The following PTPRM variants were observed in gnomAD, a reference collection of about 807,000 sequenced individuals.
PTPRM encodes protein tyrosine phosphatase receptor type M.
In PTPRM, 47 loss-of-function variants were observed where a neutral mutation model predicts 186.7. The ratio of observed to expected loss-of-function variants is 0.25; its 90% CI spans 0.20 to 0.32. PTPRM has a LOEUF of 0.32. PTPRM is among the 10% of genes least tolerant of loss of function. The pLI is 1.00. For missense variants in PTPRM, 1,494 were observed against 1,865.0 expected, an observed-to-expected ratio of 0.80 and a Z score of 3.66; for synonymous variants, 668 against 674.9, an observed-to-expected ratio of 0.99 and a Z score of 0.16.
chr18:7,763,600 TCTC>T (rs1448315611), intron 1 of PTPRM, among the ~76,000 whole-genome samples: 3 of 152,176 alleles, frequency 2.0e-5, no homozygotes, highest in South Asian at 2.1e-4. Context: ...TAGAAGAAGT[TCTC>T]CTCATGATAG....
At chr18:7,699,745 T>A (rs1388726019) in intron 1 of PTPRM, among the ~76,000 whole-genome samples, 1 of 149,742 alleles carries the variant, frequency 6.7e-6, no homozygotes, top group Non-Finnish European at 1.5e-5. Flanking sequence ...TTTTTTTTAA[T>A]AGTTAACATT....
At chr18:8,318,625 G>C (rs2095326436) in intron 21 of PTPRM, among the ~76,000 whole-genome samples, 1 of 151,994 alleles carries the variant, frequency 6.6e-6, no homozygotes, top group South Asian at 2.1e-4. Context: ...ATTTTTATCT[G>C]TCTTGTTTCT....
chr18:7,957,015 T>C (rs998593494), intron 7 of PTPRM, among the ~76,000 whole-genome samples: 3 of 152,196 alleles, frequency 2.0e-5, no homozygotes, highest in African/African-American at 7.2e-5. Flanking sequence ...TTATTTCACT[T>C]TAGTGTTAAG....
chr18:7,779,262 T>C (rs1007763240), intron 2 of PTPRM, among the ~76,000 whole-genome samples: 1 of 152,222 alleles, frequency 6.6e-6, no homozygotes, highest in Non-Finnish European at 1.5e-5. Flanking sequence ...CATAATTCTC[T>C]TAGTATTTTT....
chr18:7,784,547 A>G (rs2043008094), intron 2 of PTPRM, among the ~76,000 whole-genome samples: 1 of 152,184 alleles, frequency 6.6e-6, no homozygotes, highest in Non-Finnish European at 1.5e-5. Flanking sequence ...TCTAGTGCCA[A>G]TGAACTATGG....
At chr18:7,841,823 T>C (rs1285923776) in intron 2 of PTPRM, among the ~76,000 whole-genome samples, 1 of 152,214 alleles carries the variant, frequency 6.6e-6, no homozygotes, top group Non-Finnish European at 1.5e-5. Context: ...AGAAATTTTA[T>C]AGGATGAAAC....
intron 7 of PTPRM, among the ~76,000 whole-genome samples, chr18:8,009,663 G>A (rs369349806): frequency 1.5e-4 from 23 of 151,952 alleles, no homozygotes; most frequent in African/African-American, 5.1e-4. Context: ...AGCCAAGATC[G>A]CACCACTGCA....
intron 17 of PTPRM, among the ~76,000 whole-genome samples, chr18:8,251,433 A>G (rs2094527539): frequency 1.3e-5 from 2 of 152,136 alleles, no homozygotes; most frequent in African/African-American, 2.4e-5. Context: ...GGGTTCCTGT[A>G]TCCCAGTTTA....
intron 14 of PTPRM, among the ~76,000 whole-genome samples, chr18:8,150,474 G>A (rs997891893): frequency 2.6e-5 from 4 of 151,906 alleles, no homozygotes; most frequent in African/African-American, 4.8e-5. Flanking sequence ...CAAAGTTCTC[G>A]TGCTGTGCTT....
chr18:8,217,158 G>A lies in PTPRM; in HGVS notation c.2301-26900G>A, dbSNP rs190404058. ...ACATGCTGGCTTGTCATTTTCTAAA[G>A]TGAATCAGTTTATCTTTGGTTTAGC... is the stretch of plus-strand genomic sequence containing the variant. On this transcript the variant is annotated intron_variant, in intron 14 of 32. Coordinates refer to ENST00000580170, the MANE Select transcript of PTPRM (RefSeq NM_001105244.2). 5.0e-4 allele frequency among the ~76,000 whole-genome samples: 76 copies of A among 152,358 alleles called. 1 individual carries two copies. Among genetic ancestry groups the A allele is most frequent in the Admixed American group, 4.9e-3 (75 of 15,298 alleles).
At chr18:7,981,167 C>A (rs190790331) in intron 7 of PTPRM, among the ~76,000 whole-genome samples, 2 of 152,186 alleles carry the variant, frequency 1.3e-5, no homozygotes, top group Non-Finnish European at 2.9e-5. Flanking sequence ...CTCTGCCCCC[C>A]GCCCACCAAC....
chr18:8,265,348 G>A (rs1404024999), intron 19 of PTPRM, among the ~76,000 whole-genome samples: 2 of 152,186 alleles, frequency 1.3e-5, no homozygotes, highest in Admixed American at 1.3e-4. Flanking sequence ...CATCTGACAT[G>A]ACCAGTTCTA....
chr18:7,605,670 A>G (rs1404177657), intron 1 of PTPRM, among the ~76,000 whole-genome samples: 3 of 152,132 alleles, frequency 2.0e-5, no homozygotes, highest in Non-Finnish European at 4.4e-5. Flanking sequence ...TTAACCATAC[A>G]CTACTTATTT....
At chr18:8,375,027 C>A (rs1040799792) in intron 24 of PTPRM, among the ~76,000 whole-genome samples, 1 of 152,176 alleles carries the variant, frequency 6.6e-6, no homozygotes, top group Non-Finnish European at 1.5e-5. Flanking sequence ...AGATGTACAT[C>A]CAGCGTTGAT....
chr18:7,914,542 G>C (rs1214327481), intron 4 of PTPRM, among the ~76,000 whole-genome samples: 1 of 151,950 alleles, frequency 6.6e-6, no homozygotes, highest in Non-Finnish European at 1.5e-5. Context: ...TAAATATAGG[G>C]ATTACATTAG....
chr18:7,916,376 T>C (rs1235576602), intron 4 of PTPRM, among the ~76,000 whole-genome samples: 1 of 152,202 alleles, frequency 6.6e-6, no homozygotes, highest in Non-Finnish European at 1.5e-5. Context: ...CGTTTGCTGA[T>C]AGAGTGTATG....
At chr18:7,772,041 A>G (rs1205667168) in intron 1 of PTPRM, among the ~76,000 whole-genome samples, 1 of 152,212 alleles carries the variant, frequency 6.6e-6, no homozygotes, top group Non-Finnish European at 1.5e-5. Context: ...CCCTGTCTGC[A>G]CTGTTGAGAA....
chr18:8,179,945 G>A (rs1232586551), intron 14 of PTPRM, among the ~76,000 whole-genome samples: 3 of 152,146 alleles, frequency 2.0e-5, no homozygotes, highest in African/African-American at 7.2e-5. Context: ...GGAAGTGATG[G>A]TTTGTACTAC....
At chr18:8,300,214 C>A (rs76165216) in intron 20 of PTPRM, among the ~76,000 whole-genome samples, 1 of 152,130 alleles carries the variant, frequency 6.6e-6, no homozygotes, top group East Asian at 1.9e-4. Flanking sequence ...GGTGAGTGGA[C>A]GAGTGGCAGA....
Sources: allele counts gnomAD v4.1 joint callset (sites outside exome capture counted in the v4.1 genomes callset), GRCh38; gene constraint gnomAD v4.1.1; transcripts MANE v1.5; gene names NCBI Gene and HGNC (gene_info 2026-07-23, HGNC 2026-07-21).